CDH1: variants seen among roughly 807,000 people sequenced by gnomAD.
CDH1 encodes cadherin-1.
Under a neutral mutation model 84.5 loss-of-function variants are expected in CDH1, and 35 were observed. The ratio of observed to expected loss-of-function variants is 0.41; its 90% CI spans 0.32 to 0.55. The LOEUF (loss-of-function observed/expected upper bound fraction) is 0.55, where lower values mean the gene tolerates loss of function less well. Ranked by LOEUF, CDH1 falls within the 20% of genes least tolerant of loss-of-function variation. CDH1 has a pLI of 0.19. For missense variants in CDH1, 994 were observed against 1,126.6 expected (o/e 0.88, Z 1.68); for synonymous variants, 417 against 439.0 (o/e 0.95, Z 0.63).
chr16:68,740,900 C>CT (rs1962546331), intron 2 of CDH1, among the ~76,000 whole-genome samples: 2 of 151,994 alleles, frequency 1.3e-5, no homozygotes. Flanking sequence ...CGCAGTTGGT[C>CT]TTTTCTCTTC....
rs2152126602 is a variant in CDH1 at position 68,801,680 on chromosome 16, A to C, written c.174A>C (p.Glu58Asp). The change falls in exon 3 of 16, where the codon GAA becomes GAC. Residue 58 changes from glutamate to aspartate, a missense_variant. By Grantham distance (45) the Glu-to-Asp change is conservative. Around this residue, in one of 3 missense-constraint regions of CDH1, gnomAD observed 203 missense variants for 194.0 expected, o/e 1.05. Transcript: ENST00000261769. ...ATTTCTGCCCTGCAGTGAATTTTGA[A>C]GATTGCACCGGTCGACAAAGGACAG... Reference protein sequence around the residue: ...RGRVLGRVNFEDCTGRQRTAY... With the variant: ...RGRVLGRVNFDDCTGRQRTAY... 2 of 1,613,732 alleles carry C rather than the reference A, an allele frequency of 1.2e-6. No individual in the cohort carries two copies. The highest frequency in any genetic ancestry group is 1.7e-6 in the Non-Finnish European group (2 of 1,179,640).
chr16:68,817,898 C>T (rs1216405677), intron 10 of CDH1, among the ~76,000 whole-genome samples: 1 of 151,948 alleles, frequency 6.6e-6, no homozygotes, highest in Non-Finnish European at 1.5e-5. Context: ...TTCGAATATG[C>T]ACCATATATT....
Position 68,821,989 on chromosome 16 carries a change from A to G in CDH1, c.1712-12A>G. On this transcript the variant is annotated splice_polypyrimidine_tract_variant and intron_variant, in intron 11 of 15. Coordinates refer to ENST00000261769, the MANE Select transcript of CDH1 (RefSeq NM_004360.5). ...TGCCAAGCTGCCACATTTTCTGTGT[A>G]TTTTCTCTTAGGTTCTCCAGTTGCT... The G allele has an allele frequency of 1.9e-6, 3 of 1,608,530 alleles. No individual in the cohort carries two copies. The highest frequency in any genetic ancestry group is 2.6e-6 in the Non-Finnish European group (3 of 1,175,050).
At chr16:68,806,731 G>A (rs1333150168) in intron 3 of CDH1, among the ~76,000 whole-genome samples, 3 of 152,186 alleles carry the variant, frequency 2.0e-5, no homozygotes, top group African/African-American at 4.8e-5. Flanking sequence ...ATATCTGCCT[G>A]GGGCAAGGAG....
intron 15 of CDH1, among the ~76,000 whole-genome samples, chr16:68,831,875 T>G (rs1961493774): frequency 6.6e-6 from 1 of 152,108 alleles, no homozygotes; most frequent in African/African-American, 2.4e-5. Context: ...TTCAGGCCTT[T>G]CCTCCATTCA....
At chr16:68,749,510 G>A (rs1438006888) in intron 2 of CDH1, among the ~76,000 whole-genome samples, 2 of 152,208 alleles carry the variant, frequency 1.3e-5, no homozygotes, top group African/African-American at 4.8e-5. Flanking sequence ...GTGTTTGTTT[G>A]GAGAGTGTTT....
chr16:68,833,910 A>G lies in CDH1; in HGVS notation c.*411A>G. 1 of 336,638 alleles carries G rather than the reference A, an allele frequency of 3.0e-6. No individual in the cohort carries two copies. The highest frequency in any genetic ancestry group is 5.5e-6 in the Non-Finnish European group (1 of 180,970). The allele number at this position is 336,638 out of a possible 1,614,324, so 20.9% of individuals were successfully genotyped here. ...GTTGTTTTGTGTATATAATTTTTTA[A>G]AAAAAATTTGTGTGCTTCTGCTCAT... On this transcript the variant is annotated 3_prime_UTR_variant, in exon 16 of 16. Coordinates refer to ENST00000261769, the MANE Select transcript of CDH1 (RefSeq NM_004360.5).
At chr16:68,781,274 C>G (rs950476865) in intron 2 of CDH1, among the ~76,000 whole-genome samples, 1 of 152,122 alleles carries the variant, frequency 6.6e-6, no homozygotes, top group African/African-American at 2.4e-5. Flanking sequence ...CAGTTGCCTC[C>G]GCTTCATTCT....
chr16:68,773,705 A>G (rs1959648345), intron 2 of CDH1, among the ~76,000 whole-genome samples: 1 of 152,230 alleles, frequency 6.6e-6, no homozygotes, highest in African/African-American at 2.4e-5. Flanking sequence ...GCAGTAAAGT[A>G]AACTGAGGCT....
chr16:68,749,088 T>A (rs530186321), intron 2 of CDH1, among the ~76,000 whole-genome samples: 1 of 152,270 alleles, frequency 6.6e-6, no homozygotes, highest in South Asian at 2.1e-4. Flanking sequence ...CCACCTGCCT[T>A]GGCCTCCCAA....
Position 68,801,735 on chromosome 16 carries a change from G to A in CDH1, c.229G>A (p.Val77Met), listed in dbSNP as rs1597884672. 6.2e-7 allele frequency: 1 copy of A among 1,614,206 alleles called. No homozygotes were observed. ...TTTTTCCCTCGACACCCGATTCAAA[G>A]TGGGCACAGATGGTGTGATTACAGT... Reference protein sequence around the residue: ...AYFSLDTRFKVGTDGVITVKR... With the variant: ...AYFSLDTRFKMGTDGVITVKR... Residue 77 changes from valine to methionine, a missense_variant, in exon 3 of 16, where the codon GTG becomes ATG. Coordinates refer to ENST00000261769, the MANE Select transcript of CDH1 (RefSeq NM_004360.5).
intron 15 of CDH1, 139 bp downstream of exon 15, chr16:68,829,936 C>CCTTTTT (rs1961438640): frequency 1.2e-6 from 1 of 804,416 alleles, no homozygotes; most frequent in Non-Finnish European, 1.9e-6. Context: ...GCCCTGTTTT[C>CCTTTTT]CTTTTTCTTT....
At chr16:68,745,959 A>C (rs1243098344) in intron 2 of CDH1, among the ~76,000 whole-genome samples, 1 of 152,170 alleles carries the variant, frequency 6.6e-6, no homozygotes, top group African/African-American at 2.4e-5. Flanking sequence ...CTGGGATTAC[A>C]GGCATGCACC....
intron 2 of CDH1, among the ~76,000 whole-genome samples, chr16:68,778,876 G>A (rs1959801504): frequency 6.6e-6 from 1 of 152,104 alleles, no homozygotes; most frequent in East Asian, 1.9e-4. Flanking sequence ...TTGATTGAGG[G>A]GGAGAGAGGT....
intron 2 of CDH1, among the ~76,000 whole-genome samples, chr16:68,793,943 A>G (rs1960282539): frequency 6.6e-6 from 1 of 151,976 alleles, no homozygotes; most frequent in Admixed American, 6.6e-5. Flanking sequence ...AAAAAAAAAA[A>G]AAAAAAAAGT....
At chr16:68,828,837 T>C (rs1413842223) in intron 14 of CDH1, among the ~76,000 whole-genome samples, 1 of 152,112 alleles carries the variant, frequency 6.6e-6, no homozygotes, top group East Asian at 1.9e-4. Context: ...AGCCTACTTA[T>C]TATAGAAAGG....
intron 13 of CDH1, 107 bp from the exon 14 acceptor site, chr16:68,828,067 T>G (rs555701589): frequency 4.6e-4 from 582 of 1,270,414 alleles, no homozygotes; most frequent in Non-Finnish European, 3.7e-5. Context: ...CTAGTGGCTG[T>G]CTAACTGCCC....
At chr16:68,806,884 G>T (rs991544252) in intron 3 of CDH1, among the ~76,000 whole-genome samples, 16 of 152,174 alleles carry the variant, frequency 1.1e-4, no homozygotes, top group African/African-American at 3.9e-4. Flanking sequence ...CATGTGGCCA[G>T]TGTGCAGCAT....
intron 9 of CDH1, among the ~76,000 whole-genome samples, chr16:68,815,279 A>T (rs1214899545): frequency 1.3e-5 from 2 of 152,082 alleles, no homozygotes; most frequent in African/African-American, 4.8e-5. Context: ...TTGCTTGTTG[A>T]AGTGACTGGA....
Sources: gnomAD v4.1 joint callset for allele counts (sites outside exome capture counted in the v4.1 genomes callset) on GRCh38, gnomAD v4.1.1 for gene constraint, gnomAD v4.1.1 regional missense constraint, MANE v1.5 for transcripts, NCBI Gene and HGNC (gene_info 2026-07-23, HGNC 2026-07-21) for gene names.